Variants in HEATR4 observed in about 807,000 individuals in gnomAD.
HEATR4 encodes the protein HEAT repeat-containing protein 4.
Under a neutral mutation model 108.8 loss-of-function variants are expected in HEATR4, and 95 were observed. The observed-to-expected ratio is 0.87, with a 90% confidence interval of 0.74 to 1.04. HEATR4 has a LOEUF of 1.04. Among genes scored for constraint, HEATR4 ranks in the 50% least tolerant of loss-of-function variants. HEATR4 has a pLI of 0.00. For synonymous variants in HEATR4, 443 were observed against 459.4 expected, an observed-to-expected ratio of 0.96 and a Z score of 0.46; for missense variants, 1,152 against 1,253.8, an observed-to-expected ratio of 0.92 and a Z score of 1.23.
chr14:73,503,940 C>G (rs1398036818), intron 10 of HEATR4, among the ~76,000 whole-genome samples: 1 of 152,140 alleles, frequency 6.6e-6, no homozygotes, highest in Non-Finnish European at 1.5e-5. Context: ...CTCTGCATGT[C>G]TTTTTACTTT....
intron 17 of HEATR4, among the ~76,000 whole-genome samples, chr14:73,484,805 C>T (rs1242443679): frequency 6.6e-6 from 1 of 151,012 alleles, no homozygotes; most frequent in Non-Finnish European, 1.5e-5. Context: ...TTCAACTATG[C>T]AGGCAGACAC....
rs1363690707 is a variant in HEATR4 at position 73,538,388 on chromosome 14, C to A, written c.-151-8144G>T. On this transcript the variant is annotated intron_variant, in intron 1 of 17. Transcript: ENST00000553558. ...CAGCACTTTGAGAAGCCGAGGCGGG[C>A]GGATCACGACGTCAGGAGATCAAGG... Among the ~76,000 whole-genome samples the A allele has an allele frequency of 7.9e-5, 9 of 113,696 alleles. 3 individuals carry two copies. The highest frequency in any genetic ancestry group is 1.3e-4 in the Non-Finnish European group (7 of 52,324). 74.6% of individuals were successfully genotyped at this position (113,696 alleles called of 152,430 possible). A position where few individuals can be genotyped will look rare whatever the true frequency, so the allele number is the denominator to read the frequency against.
At chr14:73,486,097 C>T (rs1198508240) in intron 17 of HEATR4, among the ~76,000 whole-genome samples, 1 of 152,134 alleles carries the variant, frequency 6.6e-6, no homozygotes, top group Non-Finnish European at 1.5e-5. Flanking sequence ...GATGAATTGT[C>T]ATCTAAAAGT....
At chr14:73,519,186 T>A (rs375528325) in intron 4 of HEATR4, 23 bp from the exon 5 acceptor site, 2 of 1,605,414 alleles carry the variant, frequency 1.2e-6, no homozygotes, top group Non-Finnish European at 1.7e-6. Flanking sequence ...AAAGAAACAA[T>A]GAGTCCCCTA....
intron 3 of HEATR4, 69 bp downstream of exon 3, chr14:73,522,203 T>C (rs1412086536): frequency 6.7e-7 from 1 of 1,496,582 alleles, no homozygotes; most frequent in African/African-American, 1.4e-5. Context: ...GGAGTGTGAG[T>C]CCACCTGGGA....
chr14:73,529,953 T>A (rs373296408), intron 2 of HEATR4, among the ~76,000 whole-genome samples: 3 of 145,934 alleles, frequency 2.1e-5, no homozygotes, highest in African/African-American at 7.5e-5. Context: ...GTTTGTTAGA[T>A]ACAGTTTTTT....
At chr14:73,628,123 C>A in the HEATR4 span, among the ~76,000 whole-genome samples, 1 of 151,916 alleles carries the variant, frequency 6.6e-6, no homozygotes, top group Non-Finnish European at 1.5e-5. Context: ...ATTCTTTAAT[C>A]CTGCCTTGGT....
intron 13 of HEATR4, 54 bp downstream of exon 13, chr14:73,499,017 G>T: frequency 6.8e-7 from 1 of 1,472,904 alleles, no homozygotes; most frequent in Non-Finnish European, 9.5e-7. Flanking sequence ...ATTTCTACTT[G>T]CATAGGCAAA....
the HEATR4 span, among the ~76,000 whole-genome samples, chr14:73,613,942 CA>C: frequency 6.8e-6 from 1 of 148,014 alleles, no homozygotes; most frequent in Non-Finnish European, 1.5e-5. Context: ...GTAATCCCAG[CA>C]CTTTGGGAGG....
chr14:73,528,956 T>A (rs1888531089), intron 2 of HEATR4: 1 of 152,096 alleles, frequency 6.6e-6, no homozygotes, highest in Non-Finnish European at 1.5e-5. Context: ...AACTTACACA[T>A]TACGTGACCA....
intron 2 of HEATR4, among the ~76,000 whole-genome samples, chr14:73,528,411 A>AAAAAAAAAAAAAAT (rs1888490622): frequency 6.7e-6 from 1 of 148,628 alleles, no homozygotes; most frequent in African/African-American, 2.4e-5. Context: ...AAAAAAAAAA[A>AAAAAAAAAAAAAAT]AAACTTAAGG....
chr14:73,489,729 A>G (rs1885598530), intron 17 of HEATR4, among the ~76,000 whole-genome samples: 1 of 152,246 alleles, frequency 6.6e-6, no homozygotes, highest in African/African-American at 2.4e-5. Flanking sequence ...TTTAAGAGCC[A>G]AAGAAGTTGT....
chr14:73,481,551 T>TA (rs34357059), intron 17 of HEATR4, among the ~76,000 whole-genome samples: 30,010 of 151,604 alleles, frequency 0.2, 3,268 homozygotes, highest in East Asian at 0.34. Context: ...ATAGAGATAG[T>TA]AAAAAAAGGC....
At chr14:73,504,897 T>C (rs1220836541) in intron 10 of HEATR4, among the ~76,000 whole-genome samples, 1 of 152,030 alleles carries the variant, frequency 6.6e-6, no homozygotes, top group Non-Finnish European at 1.5e-5. Context: ...ATTCCCTCTT[T>C]AGTTCTAGCT....
the HEATR4 span, among the ~76,000 whole-genome samples, chr14:73,613,599 T>A: frequency 6.6e-6 from 1 of 152,212 alleles, no homozygotes; most frequent in East Asian, 1.9e-4. Context: ...CTGCAATGAT[T>A]AGCCGCCCTC....
the HEATR4 span, among the ~76,000 whole-genome samples, chr14:73,606,628 T>C: frequency 1.3e-5 from 2 of 152,178 alleles, no homozygotes; most frequent in Non-Finnish European, 2.9e-5. Context: ...TATGTCTGGC[T>C]TTTGAGCCTT....
chr14:73,627,735 T>C, the HEATR4 span, among the ~76,000 whole-genome samples: 4 of 152,150 alleles, frequency 2.6e-5, no homozygotes. Context: ...ATTAAATCAT[T>C]GCCCATTGGT....
In HEATR4 at chr14:73,511,527, A is replaced by AT. The variant is rs1415462711; in HGVS notation, c.1558+478dup. 3.6e-3 allele frequency among the ~76,000 whole-genome samples: 361 copies of AT among 100,974 alleles called. 4 individuals are homozygous for AT. Among genetic ancestry groups the AT allele is most frequent in the Non-Finnish European group, 6.1e-3 (267 of 44,110 alleles). 66.2% of individuals were successfully genotyped at this position (100,974 alleles called of 152,430 possible). A position where few individuals can be genotyped will look rare whatever the true frequency, so the allele number is the denominator to read the frequency against. ...GAGCAAGACTCTGTCTCAAAAATAA[A>AT]TAAATAAATAAATAAATAAATAAAT... On this transcript the variant is annotated intron_variant, in intron 7 of 17. Coordinates refer to ENST00000553558, the MANE Select transcript of HEATR4 (RefSeq NM_001220484.1).
At chr14:73,592,411 C>G in the HEATR4 span, 29 of 1,523,438 alleles carry the variant, frequency 1.9e-5, no homozygotes, top group African/African-American at 3.5e-4. Context: ...CTCTTCCTGC[C>G]GCCAGGTGAG....
Sources: allele counts gnomAD v4.1 joint callset (sites outside exome capture counted in the v4.1 genomes callset), GRCh38; gene constraint gnomAD v4.1.1; transcripts MANE v1.5; gene names NCBI Gene and HGNC (gene_info 2026-07-23, HGNC 2026-07-21).